CASKIN1: variants seen among roughly 807,000 people sequenced by gnomAD.
CASKIN1 encodes the protein CASK interacting protein 1, also known as caskin-1.
In CASKIN1, 42 loss-of-function variants were observed where a neutral mutation model predicts 117.5. The ratio of observed to expected loss-of-function variants is 0.36; its 90% CI spans 0.28 to 0.46. CASKIN1 has a LOEUF of 0.46. Among genes scored for constraint, CASKIN1 ranks in the 20% least tolerant of loss-of-function variants. The pLI is 1.00. For missense variants in CASKIN1, 2,083 were observed against 2,077.3 expected, an observed-to-expected ratio of 1.00 and a Z score of -0.05; for synonymous variants, 1,148 against 961.7, an observed-to-expected ratio of 1.19 and a Z score of -3.59.
intron 1 of CASKIN1, among the ~76,000 whole-genome samples, chr16:2,194,090 T>C (rs2093208702): frequency 6.6e-6 from 1 of 152,118 alleles, no homozygotes; most frequent in Non-Finnish European, 1.5e-5. Context: ...CCTGAGCCTG[T>C]CCCCACCTCT....
At chr16:2,193,994 G>C (rs985976432) in intron 1 of CASKIN1, among the ~76,000 whole-genome samples, 1 of 151,892 alleles carries the variant, frequency 6.6e-6, no homozygotes, top group Non-Finnish European at 1.5e-5. Context: ...AAGTCCAGGA[G>C]CCCCCCTCCC....
chr16:2,188,133 G>A (rs1464788109), intron 6 of CASKIN1, among the ~76,000 whole-genome samples: 2 of 147,294 alleles, frequency 1.4e-5, no homozygotes, highest in Admixed American at 6.8e-5. Context: ...GGGCTCCTGC[G>A]TCAGCCTCCC....
intron 2 of CASKIN1, 65 bp downstream of exon 2, chr16:2,190,242 G>A (rs1329764103): frequency 1.3e-5 from 20 of 1,589,184 alleles, no homozygotes; most frequent in South Asian, 4.5e-5. Context: ...GCCCTCCCCC[G>A]GCACCTAGGC....
chr16:2,180,028 G>T lies in CASKIN1; in HGVS notation c.3340C>A (p.Pro1114Thr). Reference protein sequence around the residue: ...SKGEAGVEGPPLAKVEASATL... With the variant: ...SKGEAGVEGPTLAKVEASATL... ...GCGCTGGCTTCCACCTTGGCCAAGGGCGGGCCTTCGACACCCGCCTCGCCC... is the reference window on the plus strand; with the variant it reads ...GCGCTGGCTTCCACCTTGGCCAAGGTCGGGCCTTCGACACCCGCCTCGCCC... The change falls in exon 18 of 20, where the codon CCC becomes ACC. Residue 1114 changes from proline to threonine, a missense_variant. Pro to Thr is a conservative substitution (Grantham distance 38, BLOSUM62 -1). Coordinates refer to ENST00000343516, the MANE Select transcript of CASKIN1 (RefSeq NM_020764.4). 1 of 1,589,100 alleles carries T rather than the reference G, an allele frequency of 6.3e-7. No homozygotes were observed. The highest frequency in any genetic ancestry group is 1.3e-5 in the African/African-American group (1 of 74,364).
At position 2,178,448 on chromosome 16, in the gene CASKIN1, C is replaced by T. The variant is rs1161989736; in HGVS notation, c.*102G>A. The T allele has an allele frequency of 2.2e-6, 2 of 923,492 alleles. No homozygotes were observed. The highest frequency in any genetic ancestry group is 3.0e-6 in the Non-Finnish European group (2 of 660,446). The allele number at this position is 923,492 out of a possible 1,614,324, so 57.2% of individuals were successfully genotyped here. A position where few individuals can be genotyped will look rare whatever the true frequency, so the allele number is the denominator to read the frequency against. ...GCCGGAGTTGTGCTTCTGCAGGGCC[C>T]TGCCCGGCCGCTCGCGCCGCGCCCA... On this transcript the variant is annotated 3_prime_UTR_variant, in exon 20 of 20. Transcript: ENST00000343516.
At position 2,180,427 on chromosome 16, in the gene CASKIN1, C is replaced by T. The variant is rs1024495033; in HGVS notation, c.2941G>A (p.Ala981Thr). The change falls in exon 18 of 20, where the codon GCA becomes ACA. Residue 981 changes from alanine to threonine, a missense_variant. Coordinates refer to ENST00000343516, the MANE Select transcript of CASKIN1 (RefSeq NM_020764.4). ...EPEDGLLGVR[A>T]QCRRASDLAG... ...AGGTCACTGGCCCGCCGGCACTGTG[C>T]CCGGACCCCCAGCAGGCCATCCTCA... 1 of 1,568,486 alleles carries T rather than the reference C, an allele frequency of 6.4e-7. No homozygotes were observed. The highest frequency in any genetic ancestry group is 8.6e-7 in the Non-Finnish European group (1 of 1,164,556).
chr16:2,193,137 C>T (rs1227996870), intron 1 of CASKIN1, among the ~76,000 whole-genome samples: 1 of 152,204 alleles, frequency 6.6e-6, no homozygotes, highest in Non-Finnish European at 1.5e-5. Context: ...TCTGCTTCAG[C>T]CTCCAGAGTA....
intron 6 of CASKIN1, among the ~76,000 whole-genome samples, chr16:2,188,315 C>T (rs2141323453): frequency 1.3e-5 from 2 of 151,544 alleles, no homozygotes; most frequent in Middle Eastern, 3.4e-3. Flanking sequence ...GCCTCTCAAG[C>T]AGCCGGGACT....
In CASKIN1 at chr16:2,180,792, G is replaced by A. The variant is rs766721052; in HGVS notation, c.2576C>T (p.Ala859Val). The A allele has an allele frequency of 8.3e-4, 1,162 of 1,407,102 alleles. No individual in the cohort carries two copies. Among genetic ancestry groups the A allele is most frequent in the Non-Finnish European group, 1.0e-3 (1,084 of 1,089,356 alleles). 87.2% of individuals were successfully genotyped at this position (1,407,102 alleles called of 1,614,324 possible). Residue 859 changes from alanine (A) to valine (V), a missense_variant, in exon 18 of 20, where the codon GCT becomes GTT. Physicochemically the swap from Ala to Val is moderately conservative, Grantham distance 64 (BLOSUM62 0). Around this residue, in one of 3 missense-constraint regions of CASKIN1, gnomAD observed 1,818 missense variants for 1,688.9 expected, o/e 1.08. Transcript: ENST00000343516. ...AGGGGGCAGGCACAGTGTGGGCACA[G>A]CCGTCGGCACGGGTGGGGGCGCAGG... ...PGPAPPPVPT[A>V]VPTLCLPPEA...
chr16:2,186,435 C>T (rs1013281219), intron 10 of CASKIN1, among the ~76,000 whole-genome samples: 7 of 152,288 alleles, frequency 4.6e-5, no homozygotes, highest in African/African-American at 9.6e-5. Flanking sequence ...TGCCCCAGGA[C>T]GAGCTCCTTG....
Position 2,180,880 on chromosome 16 carries a change from G to T in CASKIN1, c.2488C>A (p.Arg830Ser). Residue 830 changes from arginine (R) to serine (S), a missense_variant, in exon 18 of 20, where the codon CGC becomes AGC. Transcript: ENST00000343516. ...PRSLPQSPTH[R>S]GFAYVLPQPV... ...TGGGGCAGCACGTAGGCAAAGCCGC[G>T]GTGCGTCGGTGACTGAGGCAGGGAG... The T allele has an allele frequency of 7.0e-7, 1 of 1,427,332 alleles. No individual in the cohort carries two copies. The allele number at this position is 1,427,332 out of a possible 1,614,324, so 88.4% of individuals were successfully genotyped here. A position where few individuals can be genotyped will look rare whatever the true frequency, so the allele number is the denominator to read the frequency against.
rs749904521 is a variant in CASKIN1 at position 2,186,804 on chromosome 16, A to G, written c.951T>C (p.Asp317=). 6.2e-7 allele frequency: 1 copy of G among 1,612,944 alleles called. No homozygotes were observed. The highest frequency in any genetic ancestry group is 1.7e-5 in the Admixed American group (1 of 60,014). The change falls in exon 10 of 20, where the codon GAT becomes GAC. Residue 317 remains aspartate (D), a synonymous_variant. Transcript: ENST00000343516. Reference sequence around the variant, plus strand: ...CATGGATGCAGCCCTTCCACCGGCCATCCGGATGCTGCTCGAGGACCTGGC... The same window carrying G: ...CATGGATGCAGCCCTTCCACCGGCCGTCCGGATGCTGCTCGAGGACCTGGC... ...DIITVLEQHP[D]GRWKGCIHDN...
Position 2,179,963 on chromosome 16 carries a change from C to T in CASKIN1, c.3405G>A (p.Gln1135=), listed in dbSNP as rs1368943538. Residue 1135 remains glutamine, a synonymous_variant, in exon 18 of 20, where the codon CAG becomes CAA. Coordinates refer to ENST00000343516, the MANE Select transcript of CASKIN1 (RefSeq NM_020764.4). This position sits in a 1 kb window ranked among gnomAD's most constrained non-coding sequence, Gnocchi z 5.8. The part of the protein sequence containing the change: ...KRRIRAKQNQ[Q]ENVKFILTES... Reference sequence around the variant, plus strand: ...CGGTCAGGATGAACTTGACGTTCTCCTGCTGGTTCTGCTTGGCCCGGATGC... The same window carrying T: ...CGGTCAGGATGAACTTGACGTTCTCTTGCTGGTTCTGCTTGGCCCGGATGC... 6 of 1,606,560 alleles carry T rather than the reference C, an allele frequency of 3.7e-6. No individual in the cohort carries two copies. The highest frequency in any genetic ancestry group is 3.4e-6 in the Non-Finnish European group (4 of 1,177,142).
In CASKIN1 at chr16:2,187,417, G is replaced by A. The variant is rs781503148; in HGVS notation, c.662C>T (p.Ser221Phe). 1 of 1,610,254 alleles carries A rather than the reference G, an allele frequency of 6.2e-7. No individual in the cohort carries two copies. The highest frequency in any genetic ancestry group is 8.5e-7 in the Non-Finnish European group (1 of 1,179,828). The change falls in exon 7 of 20, where the codon TCC becomes TTC. Residue 221 changes from serine to phenylalanine, a missense_variant. Coordinates refer to ENST00000343516, the MANE Select transcript of CASKIN1 (RefSeq NM_020764.4). ...CGCAGCCTCGTGCAGGGCCGTGCCG[G>A]ACTTGGTCTGGCGGTTAATGTCGAT... is the stretch of plus-strand genomic sequence containing the variant. Reference protein sequence around the residue: ...AGIDINRQTKSGTALHEAALC... With the variant: ...AGIDINRQTKFGTALHEAALC...
At chr16:2,194,878 T>C (rs2093211209) in intron 1 of CASKIN1, among the ~76,000 whole-genome samples, 2 of 152,160 alleles carry the variant, frequency 1.3e-5, no homozygotes, top group Non-Finnish European at 1.5e-5. Context: ...AAGACTGCGG[T>C]CATTGCTGGC....
Position 2,179,823 on chromosome 16 carries a change from G to A in CASKIN1, c.3545C>T (p.Ala1182Val), listed in dbSNP as rs1298178132. The A allele has an allele frequency of 1.3e-6, 2 of 1,593,624 alleles. No individual in the cohort carries two copies. Among genetic ancestry groups the A allele is most frequent in the South Asian group, 1.1e-5 (1 of 88,842 alleles). The change falls in exon 18 of 20, where the codon GCC becomes GTC. Residue 1182 changes from alanine to valine, a missense_variant. Transcript: ENST00000343516. The surrounding 1 kb of genome is among the most constrained non-coding windows in gnomAD (Gnocchi z 5.8). ...CTCCGGAGGCCCAGCCTGCTCCGAG[G>A]CCGGTCGGCGGCGCACGGTGCCAGT... ...NGTGTVRRRP[A>V]SEQAGPPELP...
In CASKIN1 at chr16:2,196,468, G is replaced by T. The variant is rs745687953; in HGVS notation, c.-36C>A. 2 of 1,094,016 alleles carry T rather than the reference G, an allele frequency of 1.8e-6. No homozygotes were observed. The highest frequency in any genetic ancestry group is 1.7e-5 in the African/African-American group (1 of 58,898). The allele number at this position is 1,094,016 out of a possible 1,614,324, so 67.8% of individuals were successfully genotyped here. A position where few individuals can be genotyped will look rare whatever the true frequency, so the allele number is the denominator to read the frequency against. On this transcript the variant is annotated 5_prime_UTR_variant, in exon 1 of 20. Coordinates refer to ENST00000343516, the MANE Select transcript of CASKIN1 (RefSeq NM_020764.4). This position sits in a 1 kb window ranked among gnomAD's most constrained non-coding sequence, Gnocchi z 5.7. Reference sequence around the variant, plus strand: ...GGGCCGCAGCGACGCGGCTGCGCTCGTGAGCTCGGCGCGGCTCAGAGGCGG... The same window carrying T: ...GGGCCGCAGCGACGCGGCTGCGCTCTTGAGCTCGGCGCGGCTCAGAGGCGG...
Position 2,181,368 on chromosome 16 carries a change from C to T in CASKIN1, c.2000G>A (p.Gly667Asp), listed in dbSNP as rs754901858. 1.2e-6 allele frequency: 2 copies of T among 1,608,454 alleles called. No individual in the cohort carries two copies. Among genetic ancestry groups the T allele is most frequent in the East Asian group, 4.5e-5 (2 of 44,766 alleles). Reference protein sequence around the residue: ...LSDELQAAMTGPAEVGPTTEK... With the variant: ...LSDELQAAMTDPAEVGPTTEK... ...AGTGGTGGGCCCCACCTCAGCCGGG[C>T]CAGTCATGGCAGCCTGCAGCTCGTC... is the stretch of plus-strand genomic sequence containing the variant. The change falls in exon 18 of 20, where the codon GGC becomes GAC. Residue 667 changes from glycine (G) to aspartate (D), a missense_variant. Physicochemically the swap from Gly to Asp is moderately conservative, Grantham distance 94 (BLOSUM62 -1). Coordinates refer to ENST00000343516, the MANE Select transcript of CASKIN1 (RefSeq NM_020764.4).
intron 17 of CASKIN1, 64 bp downstream of exon 17, chr16:2,181,727 G>C: frequency 6.4e-6 from 10 of 1,561,420 alleles, no homozygotes; most frequent in Non-Finnish European, 8.7e-6. Flanking sequence ...CTGGGCTGGT[G>C]GCTGGTGGCT....
Sources: gnomAD v4.1 joint callset for allele counts (sites outside exome capture counted in the v4.1 genomes callset) on GRCh38, gnomAD v4.1.1 for gene constraint, gnomAD v4.1.1 regional missense constraint, Gnocchi (gnomAD v3.1) non-coding constraint, MANE v1.5 for transcripts, NCBI Gene and HGNC (gene_info 2026-07-23, HGNC 2026-07-21) for gene names.